The following ANK2 variants were observed in gnomAD, a reference collection of about 807,000 sequenced individuals.
ANK2 encodes ankyrin-2.
ANK2 carries 83 observed loss-of-function variants against 360.5 expected under a neutral mutation model. That is an observed-to-expected ratio of 0.23 (90% CI 0.19 to 0.28). The LOEUF is 0.28. Ranked by LOEUF, ANK2 falls within the 10% of genes least tolerant of loss-of-function variation. ANK2 has a pLI of 1.00. For synonymous variants in ANK2, 1,740 were observed against 1,759.5 expected (o/e 0.99, Z 0.28); for missense variants, 4,201 against 4,795.7 (o/e 0.88, Z 3.66).
chr4:113,287,643 T>A lies in ANK2; in HGVS notation c.2118T>A (p.Asp706Glu). Reference protein sequence around the residue: ...LTSLHLAAQEDKVNVADILTK... With the variant: ...LTSLHLAAQEEKVNVADILTK... ...CCTTACACCTTGCAGCCCAGGAAGA[T>A]AAAGTGAATGTTGCTGATATTCTCA... Residue 706 changes from aspartate (D) to glutamate (E), a missense_variant, in exon 19 of 46, where the codon GAT becomes GAA. Transcript: ENST00000357077. 6.2e-7 allele frequency: 1 copy of A among 1,613,630 alleles called. No individual in the cohort carries two copies. Among genetic ancestry groups the A allele is most frequent in the South Asian group, 1.1e-5 (1 of 91,080 alleles).
the ANK2 span, among the ~76,000 whole-genome samples, chr4:112,776,523 T>G: frequency 4.6e-5 from 7 of 152,222 alleles, no homozygotes; most frequent in African/African-American, 1.7e-4. Flanking sequence ...ATCTTCCATA[T>G]GGGAATTTTA....
At chr4:113,374,847 T>G in intron 45 of ANK2, 1 of 1,274,848 alleles carries the variant, frequency 7.8e-7, no homozygotes, top group Non-Finnish European at 1.0e-6. Flanking sequence ...TCAGCAAAGT[T>G]GTTAAAACAA....
intron 1 of ANK2, chr4:113,106,792 C>A: frequency 2.4e-6 from 1 of 424,314 alleles, no homozygotes; most frequent in East Asian, 6.2e-5. Context: ...ATAGGTGTGC[C>A]AAGCTGACAG....
chr4:113,214,626 C>T (rs1377651819), intron 4 of ANK2, among the ~76,000 whole-genome samples: 1 of 152,084 alleles, frequency 6.6e-6, no homozygotes, highest in Non-Finnish European at 1.5e-5. Flanking sequence ...ATGAATCATT[C>T]TGTAAAAAAT....
intron 2 of ANK2, chr4:113,033,787 A>C (rs2060971936): frequency 6.6e-6 from 1 of 151,756 alleles, no homozygotes; most frequent in Non-Finnish European, 1.5e-5. Context: ...CTAGCAGTCG[A>C]CTCCCATATT....
chr4:113,245,254 T>C (rs992716551), intron 9 of ANK2, among the ~76,000 whole-genome samples: 2 of 152,200 alleles, frequency 1.3e-5, no homozygotes, highest in Non-Finnish European at 2.9e-5. Flanking sequence ...TGGGCTGGAA[T>C]TGGGAGGCCA....
At chr4:112,727,547 A>G in the ANK2 span, among the ~76,000 whole-genome samples, 14 of 152,062 alleles carry the variant, frequency 9.2e-5, no homozygotes, top group Admixed American at 8.5e-4. Context: ...AAAAAGATCA[A>G]TGAAACCAAG....
upstream of ANK2, chr4:113,049,652 T>G: frequency 6.5e-7 from 1 of 1,547,482 alleles, no homozygotes; most frequent in Non-Finnish European, 8.8e-7. Context: ...TTTCCTCCAG[T>G]AAGTGCATAC....
intron 2 of ANK2, among the ~76,000 whole-genome samples, chr4:112,914,646 C>A (rs1186144781): frequency 1.3e-5 from 2 of 152,052 alleles, no homozygotes; most frequent in African/African-American, 4.8e-5. Context: ...GAACTAAAAT[C>A]TGATTTTTCC....
At chr4:113,089,283 A>G (rs1258920852) in intron 1 of ANK2, among the ~76,000 whole-genome samples, 3 of 152,164 alleles carry the variant, frequency 2.0e-5, no homozygotes, top group Non-Finnish European at 4.4e-5. Flanking sequence ...TTTTTAACAC[A>G]TTGTGTTATG....
At chr4:113,068,294 A>G (rs986053419) in intron 1 of ANK2, among the ~76,000 whole-genome samples, 11 of 152,234 alleles carry the variant, frequency 7.2e-5, no homozygotes, top group Non-Finnish European at 1.5e-4. Context: ...TGTGCTGCAT[A>G]TAAGTGATGA....
At chr4:112,912,897 A>G (rs1033331046) in intron 2 of ANK2, among the ~76,000 whole-genome samples, 3 of 152,064 alleles carry the variant, frequency 2.0e-5, no homozygotes, top group Admixed American at 1.3e-4. Flanking sequence ...AGATTCTAGA[A>G]ATGACTACAT....
Position 113,357,764 on chromosome 4 carries a change from G to T in ANK2, c.9146G>T (p.Arg3049Leu). ...GATTCTGATTCTTGGAGTGAAATTC[G>T]GGAAGACGATGAAGCCTTTGAGGCT... ...DVDSDSWSEIREDDEAFEARV... is the reference protein window; with the variant it reads ...DVDSDSWSEILEDDEAFEARV... Residue 3049 changes from arginine to leucine, a missense_variant, in exon 38 of 46, where the codon CGG becomes CTG. Transcript: ENST00000357077. 6.2e-7 allele frequency: 1 copy of T among 1,614,010 alleles called. No individual in the cohort carries two copies. The highest frequency in any genetic ancestry group is 8.5e-7 in the Non-Finnish European group (1 of 1,179,964).
In ANK2 at chr4:112,866,699, T is replaced by TA. The variant is rs1417771845; in HGVS notation, c.-39-37753dup. 4.6e-5 allele frequency among the ~76,000 whole-genome samples: 7 copies of TA among 152,254 alleles called. No homozygotes were observed. The East Asian group carries it at 1.4e-3, about 29-fold the overall frequency. ...TGTTTTTTCTCGTGTTATTTTTTTT[T>TA]AAAGGTAGTATTTTGCAATGCTACT... On this transcript the variant is annotated intron_variant, in intron 1 of 30. Transcript: ENST00000503271.
chr4:113,278,189 A>T (rs1202726371), intron 16 of ANK2, among the ~76,000 whole-genome samples: 1 of 152,186 alleles, frequency 6.6e-6, no homozygotes, highest in Non-Finnish European at 1.5e-5. Context: ...AATCCCTGCA[A>T]TGTTAATGTA....
At chr4:112,749,627 G>A in the ANK2 span, among the ~76,000 whole-genome samples, 402 of 152,268 alleles carry the variant, frequency 2.6e-3, 2 homozygotes, top group Non-Finnish European at 4.5e-3. Context: ...TGTTTCCTAG[G>A]ATTGTACCAT....
chr4:113,365,821 T>C (rs1262424616), intron 41 of ANK2, among the ~76,000 whole-genome samples: 2 of 152,186 alleles, frequency 1.3e-5, no homozygotes, highest in Non-Finnish European at 1.5e-5. Flanking sequence ...AGCAAATGTC[T>C]ATATTTTTCC....
chr4:112,826,645 G>T (rs775920359), intron 1 of ANK2: 6 of 1,081,338 alleles, frequency 5.5e-6, no homozygotes, highest in Non-Finnish European at 8.1e-6. Flanking sequence ...AGTGAAAAAC[G>T]GGTGACCACA....
intron 2 of ANK2, among the ~76,000 whole-genome samples, chr4:112,937,901 A>G (rs1316592058): frequency 1.3e-5 from 2 of 152,334 alleles, no homozygotes; most frequent in South Asian, 2.1e-4. Context: ...AAGTTATTCC[A>G]TCTTTTTATA....
Sources: allele counts gnomAD v4.1 joint callset (sites outside exome capture counted in the v4.1 genomes callset), GRCh38; gene constraint gnomAD v4.1.1; transcripts MANE v1.5; gene names NCBI Gene and HGNC (gene_info 2026-07-23, HGNC 2026-07-21).